AVL9: variants seen among roughly 807,000 people sequenced by gnomAD.
AVL9 encodes late secretory pathway protein AVL9 homolog.
A neutral mutation model predicts 79.2 loss-of-function variants in AVL9; 49 were observed. The ratio of observed to expected loss-of-function variants is 0.62; its 90% confidence interval spans 0.49 to 0.79. The LOEUF is 0.79. AVL9 is among the 30% of genes least tolerant of loss of function. The pLI, the probability that AVL9 is intolerant of heterozygous loss-of-function variation, is 0.00. For missense variants in AVL9, 682 were observed against 776.8 expected, an observed-to-expected ratio of 0.88 and a Z score of 1.45; for synonymous variants, 299 against 280.6, an observed-to-expected ratio of 1.07 and a Z score of -0.65.
Position 32,553,717 on chromosome 7 carries a change from A to C in AVL9, c.530-10A>C. 6.2e-7 allele frequency: 1 copy of C among 1,606,452 alleles called. No individual in the cohort carries two copies. Among genetic ancestry groups the C allele is most frequent in the East Asian group, 2.2e-5 (1 of 44,782 alleles). ...GTAGTCACACTTGAGCTTTTTTGTT[A>C]ACATTGTAGGTCTGTCACCTCGAGA... is the stretch of plus-strand genomic sequence containing the variant. On this transcript the variant is annotated splice_polypyrimidine_tract_variant and intron_variant, in intron 6 of 15. Coordinates refer to ENST00000318709, the MANE Select transcript of AVL9 (RefSeq NM_015060.3).
intron 1 of AVL9, among the ~76,000 whole-genome samples, chr7:32,524,195 G>A (rs931004263): frequency 6.6e-5 from 10 of 151,972 alleles, no homozygotes; most frequent in African/African-American, 2.2e-4. Context: ...TAAGGTAGTT[G>A]TGACTCCTTT....
At chr7:32,582,903 C>A (rs764215032) in intron 15 of AVL9, among the ~76,000 whole-genome samples, 3 of 152,046 alleles carry the variant, frequency 2.0e-5, no homozygotes, top group Non-Finnish European at 4.4e-5. Context: ...CAGGCTGTCT[C>A]GAATTCTTGG....
intron 4 of AVL9, among the ~76,000 whole-genome samples, chr7:32,550,434 T>C (rs1789758954): frequency 6.6e-6 from 1 of 152,208 alleles, no homozygotes. Flanking sequence ...GGTAGCTTAC[T>C]CAGAAAGGTC....
chr7:32,564,033 T>C (rs1441922007), intron 10 of AVL9, among the ~76,000 whole-genome samples: 1 of 152,206 alleles, frequency 6.6e-6, no homozygotes, highest in African/African-American at 2.4e-5. Flanking sequence ...GCCCTGACTT[T>C]GCTATTTCAC....
At chr7:32,583,745 AC>A in intron 15 of AVL9, 46 bp from the exon 16 acceptor site, 8 of 1,264,874 alleles carry the variant, frequency 6.3e-6, no homozygotes, top group Non-Finnish European at 9.0e-6. Flanking sequence ...CTGTCTCGTA[AC>A]AAAAGTTAAG....
chr7:32,547,588 C>G (rs1789579665), intron 3 of AVL9, among the ~76,000 whole-genome samples: 1 of 152,140 alleles, frequency 6.6e-6, no homozygotes, highest in Non-Finnish European at 1.5e-5. Flanking sequence ...TGCCTGTCTC[C>G]CCACTCCCTG....
At chr7:32,553,110 C>A (rs1789908436) in intron 6 of AVL9, among the ~76,000 whole-genome samples, 1 of 152,108 alleles carries the variant, frequency 6.6e-6, no homozygotes, top group African/African-American at 2.4e-5. Context: ...TGATTGCAAT[C>A]CTCTGTGTAA....
intron 11 of AVL9, among the ~76,000 whole-genome samples, chr7:32,572,987 A>T (rs1790925839): frequency 6.6e-6 from 1 of 152,218 alleles, no homozygotes; most frequent in East Asian, 1.9e-4. Flanking sequence ...TACTATATTT[A>T]TGTGTGTATT....
At chr7:32,542,162 G>A (rs74806669) in intron 1 of AVL9, among the ~76,000 whole-genome samples, 6,901 of 148,316 alleles carry the variant, frequency 0.047, 518 homozygotes, top group African/African-American at 0.16. Flanking sequence ...ATCAAGGGTG[G>A]GAGGCAGTCT....
intron 11 of AVL9, among the ~76,000 whole-genome samples, chr7:32,571,048 G>A (rs1163056198): frequency 6.7e-6 from 1 of 150,202 alleles, no homozygotes; most frequent in Non-Finnish European, 1.5e-5. Flanking sequence ...TGGCCAACAT[G>A]GTGAAACCCC....
At chr7:32,513,352 T>C (rs1162394920) in intron 1 of AVL9, among the ~76,000 whole-genome samples, 1 of 152,240 alleles carries the variant, frequency 6.6e-6, no homozygotes, top group African/African-American at 2.4e-5. Flanking sequence ...CCAGCATTAC[T>C]ATCATCACAG....
At chr7:32,578,326 C>G (rs893553921) in intron 13 of AVL9, among the ~76,000 whole-genome samples, 8 of 152,102 alleles carry the variant, frequency 5.3e-5, no homozygotes, top group African/African-American at 1.9e-4. Context: ...TCAGAGCAAA[C>G]CAGGCTGCAT....
chr7:32,575,172 C>T (rs1791033510), intron 12 of AVL9, among the ~76,000 whole-genome samples: 1 of 147,136 alleles, frequency 6.8e-6, no homozygotes, highest in Non-Finnish European at 1.5e-5. Context: ...GATGTTGGCT[C>T]ACTGCAACCT....
At chr7:32,582,864 T>C (rs1230930731) in intron 15 of AVL9, among the ~76,000 whole-genome samples, 1 of 152,146 alleles carries the variant, frequency 6.6e-6, no homozygotes, top group Non-Finnish European at 1.5e-5. Context: ...TTTCTATTTT[T>C]TGTAGAAAGA....
At position 32,554,571 on chromosome 7, in the gene AVL9, T is replaced by C; in HGVS notation, c.584T>C (p.Phe195Ser). 6.4e-7 allele frequency: 1 copy of C among 1,560,238 alleles called. No individual in the cohort carries two copies. The highest frequency in any genetic ancestry group is 1.2e-5 in the South Asian group (1 of 83,324). Residue 195 changes from phenylalanine to serine, a missense_variant, in exon 8 of 16, where the codon TTT becomes TCT. Physicochemically the swap from Phe to Ser is radical, Grantham distance 155 (BLOSUM62 -2). Transcript: ENST00000318709. The part of the protein sequence containing the change: ...LHFRHKVLIL[F>S]KLILLEKKVL... ...TTCCTTTTGCAGGTCTTAATCCTATTTAAGCTAATTCTTCTTGAAAAAAAG... is the reference window on the plus strand; with the variant it reads ...TTCCTTTTGCAGGTCTTAATCCTATCTAAGCTAATTCTTCTTGAAAAAAAG...
intron 4 of AVL9, among the ~76,000 whole-genome samples, chr7:32,549,427 A>G (rs952893942): frequency 1.3e-5 from 2 of 151,504 alleles, no homozygotes; most frequent in Non-Finnish European, 2.9e-5. Flanking sequence ...AGGTTTTACC[A>G]TGTTGCCTAC....
At chr7:32,561,677 G>C (rs994760580) in intron 10 of AVL9, among the ~76,000 whole-genome samples, 4 of 151,430 alleles carry the variant, frequency 2.6e-5, no homozygotes, top group African/African-American at 9.8e-5. Context: ...ACTTTTAGTA[G>C]CACTTTTAAT....
chr7:32,573,469 T>C (rs1790951655), intron 12 of AVL9, 51 bp downstream of exon 12: 1 of 1,495,942 alleles, frequency 6.7e-7, no homozygotes, highest in Non-Finnish European at 9.2e-7. Context: ...TAATTTTTCA[T>C]TTTGTAACAT....
chr7:32,509,780 G>T (rs1439519109), intron 1 of AVL9, among the ~76,000 whole-genome samples: 1 of 152,122 alleles, frequency 6.6e-6, no homozygotes, highest in East Asian at 1.9e-4. Flanking sequence ...GAACTGAGAG[G>T]TGGAGGTTGC....
Sources: allele counts gnomAD v4.1 joint callset (sites outside exome capture counted in the v4.1 genomes callset), GRCh38; gene constraint gnomAD v4.1.1; transcripts MANE v1.5; gene names NCBI Gene and HGNC (gene_info 2026-07-23, HGNC 2026-07-21).